The following CSNK1E variants were observed in gnomAD, a reference collection of about 807,000 sequenced individuals.
The protein encoded by CSNK1E is casein kinase I isoform epsilon.
A neutral mutation model predicts 46.1 loss-of-function variants in CSNK1E; 17 were observed. The ratio of observed to expected loss-of-function variants is 0.37; its 90% CI spans 0.25 to 0.55. The LOEUF is 0.55. Among genes scored for constraint, CSNK1E ranks in the 20% least tolerant of loss-of-function variants. The pLI is 0.82. For synonymous variants in CSNK1E, 241 were observed against 242.6 expected (o/e 0.99, Z 0.06); for missense variants, 386 against 595.4 (o/e 0.65, Z 3.66).
chr22:38,295,341 G>A, intron 7 of CSNK1E: 3 of 822,810 alleles, frequency 3.6e-6, no homozygotes, highest in Non-Finnish European at 4.4e-6. Context: ...GAAGTGAGAA[G>A]GGGCCAGAGA....
At chr22:38,313,447 C>T (rs1297694229) in intron 2 of CSNK1E, among the ~76,000 whole-genome samples, 1 of 152,248 alleles carries the variant, frequency 6.6e-6, no homozygotes, top group African/African-American at 2.4e-5. Flanking sequence ...CTGAAAGGCG[C>T]AAGCCTCATT....
chr22:38,305,325 T>A (rs2092693582), intron 2 of CSNK1E, among the ~76,000 whole-genome samples: 1 of 151,652 alleles, frequency 6.6e-6, no homozygotes, highest in Non-Finnish European at 1.5e-5. Flanking sequence ...ACTCAACGTT[T>A]AATAAGAAAT....
intron 2 of CSNK1E, among the ~76,000 whole-genome samples, chr22:38,305,510 G>A (rs904123120): frequency 5.7e-5 from 8 of 140,632 alleles, no homozygotes; most frequent in Non-Finnish European, 1.2e-4. Flanking sequence ...CGGAAATAAA[G>A]TCCTAAGAGA....
At chr22:38,306,482 CA>C (rs921578726) in intron 2 of CSNK1E, among the ~76,000 whole-genome samples, 1 of 152,190 alleles carries the variant, frequency 6.6e-6, no homozygotes, top group Non-Finnish European at 1.5e-5. Flanking sequence ...CCTGTAATCC[CA>C]GCACTTTGAG....
chr22:38,313,298 G>A lies in CSNK1E; in HGVS notation c.76+784C>T, dbSNP rs1274848061. Among the ~76,000 whole-genome samples the A allele has an allele frequency of 2.0e-5, 3 of 152,174 alleles. 1 individual carries two copies. Among genetic ancestry groups the A allele is most frequent in the South Asian group, 4.1e-4 (2 of 4,832 alleles). On this transcript the variant is annotated intron_variant, in intron 2 of 10. Coordinates refer to ENST00000396832, the MANE Select transcript of CSNK1E (RefSeq NM_152221.3). ...GGGACAGGAATGAGGATAACTCGTA[G>A]AAGGGCTGGCCACCTCACTCCAGCA...
chr22:38,301,087 G>C (rs564116949), intron 4 of CSNK1E, 135 bp from the exon 5 acceptor site: 1 of 713,294 alleles, frequency 1.4e-6, no homozygotes, highest in Non-Finnish European at 2.4e-6. Context: ...ATAACTAAGG[G>C]GCAGGCCAGA....
chr22:38,298,683 C>T lies in CSNK1E; in HGVS notation c.885+103G>A, dbSNP rs193216027. The stretch of plus-strand genomic sequence containing the variant: ...ACCACACTGTCCAGCTCGTACCTCC[C>T]GTCTGTCGGGAGCCCCTCCCGCCAC... On this transcript the variant is annotated intron_variant, in intron 7 of 10. Transcript: ENST00000396832. This position sits in a 1 kb window ranked among gnomAD's most constrained non-coding sequence, Gnocchi z 4.2. 117 of 1,355,910 alleles carry T rather than the reference C, an allele frequency of 8.6e-5. No individual in the cohort carries two copies. In the African/African-American group the frequency reaches 1.3e-3, roughly 15 times the overall value. 84.0% of individuals were successfully genotyped at this position (1,355,910 alleles called of 1,614,324 possible).
intron 2 of CSNK1E, among the ~76,000 whole-genome samples, chr22:38,310,100 T>A (rs1301253155): frequency 1.3e-5 from 2 of 152,184 alleles, no homozygotes; most frequent in African/African-American, 2.4e-5. Context: ...CCAAAGTCCC[T>A]GTGTTTTTTC....
Position 38,298,520 on chromosome 22 carries a change from C to A in CSNK1E, c.885+266G>T. ...CACCACCCATGCCCTGCTGCGGGCA[C>A]CCAGGAGGGACCCCAGGTGAAGCCA... On this transcript the variant is annotated intron_variant, in intron 7 of 10. Coordinates refer to ENST00000396832, the MANE Select transcript of CSNK1E (RefSeq NM_152221.3). The surrounding 1 kb of genome is among the most constrained non-coding windows in gnomAD (Gnocchi z 4.2). 2.1e-6 allele frequency: 1 copy of A among 470,044 alleles called. No homozygotes were observed. The highest frequency in any genetic ancestry group is 3.4e-5 in the Admixed American group (1 of 29,504). 29.1% of individuals were successfully genotyped at this position (470,044 alleles called of 1,614,324 possible). A position where few individuals can be genotyped will look rare whatever the true frequency, so the allele number is the denominator to read the frequency against.
Position 38,294,232 on chromosome 22 carries a change from T to C in CSNK1E, c.1095A>G (p.Arg365=). The C allele has an allele frequency of 1.2e-6, 2 of 1,612,076 alleles. No homozygotes were observed. Among genetic ancestry groups the C allele is most frequent in the Non-Finnish European group, 1.7e-6 (2 of 1,179,824 alleles). ...TCTCCCGGTCGACCCGCGAGATCGC[T>C]CTGGGAGAAGTATTGCCTGGAGGGA... ...RIQPAGNTSP[R]AISRVDRERK... is the part of the protein sequence containing the mutation. The change falls in exon 9 of 11, where the codon AGA becomes AGG. Residue 365 remains arginine, a synonymous_variant. Coordinates refer to ENST00000396832, the MANE Select transcript of CSNK1E (RefSeq NM_152221.3). The surrounding 1 kb of genome is among the most constrained non-coding windows in gnomAD (Gnocchi z 5.5).
chr22:38,293,797 G>A, intron 9 of CSNK1E: 1 of 450,372 alleles, frequency 2.2e-6, no homozygotes, highest in Non-Finnish European at 4.0e-6. Context: ...TGATGTCAGG[G>A]AGCAGCAACA....
rs1315700032 is a variant in CSNK1E at position 38,309,264 on chromosome 22, C to A, written c.76+4818G>T. Among the ~76,000 whole-genome samples, 1 of 152,154 alleles carries A rather than the reference C, an allele frequency of 6.6e-6. No individual in the cohort carries two copies. Among genetic ancestry groups the A allele is most frequent in the Non-Finnish European group, 1.5e-5 (1 of 68,026 alleles). ...AGGCCTGGGAAGGCCACTACAGAGA[C>A]CAGGCAAGAGCTGACGGTGGCCCTG... is the stretch of plus-strand genomic sequence containing the variant. On this transcript the variant is annotated intron_variant, in intron 2 of 10. Transcript: ENST00000396832. The surrounding 1 kb of genome is among the most constrained non-coding windows in gnomAD (Gnocchi z 4.8).
Position 38,303,190 on chromosome 22 carries a change from CT to C in CSNK1E, c.134del (p.Lys45SerfsTer14). On this transcript the variant is annotated frameshift_variant, in exon 3 of 11. Coordinates refer to ENST00000396832, the MANE Select transcript of CSNK1E (RefSeq NM_152221.3). LOFTEE classifies it high-confidence loss of function. The surrounding 1 kb of genome is among the most constrained non-coding windows in gnomAD (Gnocchi z 4.7). Reference protein sequence around the residue: ...VAIKLECVKTKHPQLHIESKF... With the variant: ...VAIKLECVKTXHPQLHIESKF... ...TGCTCTCGATGTGCAGCTGGGGGTG[CT>C]TTGTCTTCACACACTCCAGCTTGAT... The C allele has an allele frequency of 6.2e-7, 1 of 1,609,962 alleles. No individual in the cohort carries two copies.
chr22:38,307,648 A>G (rs135757), intron 2 of CSNK1E, among the ~76,000 whole-genome samples: 98,090 of 152,210 alleles, frequency 0.64, 33,470 homozygotes, highest in East Asian at 0.8. Context: ...CTGGTATCTG[A>G]GGGGGATCCT....
chr22:38,293,335 AG>A lies in CSNK1E; in HGVS notation c.1219-17del. The A allele has an allele frequency of 6.9e-7, 1 of 1,445,730 alleles. No individual in the cohort carries two copies. The highest frequency in any genetic ancestry group is 9.7e-7 in the Non-Finnish European group (1 of 1,034,174). The allele number at this position is 1,445,730 out of a possible 1,614,324, so 89.6% of individuals were successfully genotyped here. A position where few individuals can be genotyped will look rare whatever the true frequency, so the allele number is the denominator to read the frequency against. ...GCACACTTGTCTTTTGAGGGTGGGGAGGGAGAGAGGGGGAGGGAGAGAGAGG... is the reference window on the plus strand; with the variant it reads ...GCACACTTGTCTTTTGAGGGTGGGGAGGAGAGAGGGGGAGGGAGAGAGAGG... On this transcript the variant is annotated splice_polypyrimidine_tract_variant and intron_variant, in intron 9 of 10. Coordinates refer to ENST00000396832, the MANE Select transcript of CSNK1E (RefSeq NM_152221.3).
At position 38,309,272 on chromosome 22, in the gene CSNK1E, G is replaced by A. The variant is rs906674744; in HGVS notation, c.76+4810C>T. Among the ~76,000 whole-genome samples the A allele has an allele frequency of 6.6e-6, 1 of 152,214 alleles. No homozygotes were observed. The highest frequency in any genetic ancestry group is 2.4e-5 in the African/African-American group (1 of 41,444). The stretch of plus-strand genomic sequence containing the variant: ...GAAGGCCACTACAGAGACCAGGCAA[G>A]AGCTGACGGTGGCCCTGCCTGGGCA... On this transcript the variant is annotated intron_variant, in intron 2 of 10. Transcript: ENST00000396832. This position sits in a 1 kb window ranked among gnomAD's most constrained non-coding sequence, Gnocchi z 4.8.
intron 9 of CSNK1E, chr22:38,293,869 C>G (rs2092625082): frequency 3.6e-6 from 2 of 556,648 alleles, no homozygotes; most frequent in Admixed American, 6.3e-5. Flanking sequence ...GACTGGAGCC[C>G]AGCTGTGCCA....
intron 2 of CSNK1E, among the ~76,000 whole-genome samples, chr22:38,305,918 C>T (rs1399971375): frequency 6.6e-6 from 1 of 152,142 alleles, no homozygotes; most frequent in Non-Finnish European, 1.5e-5. Flanking sequence ...TACCTGACAT[C>T]CTAGCACGGT....
chr22:38,297,580 C>A, intron 7 of CSNK1E: 2 of 999,792 alleles, frequency 2.0e-6, no homozygotes, highest in Non-Finnish European at 2.4e-6. Context: ...GAGGGCCCTG[C>A]CATGAAAGAG....
Sources: gnomAD v4.1 joint callset for allele counts (sites outside exome capture counted in the v4.1 genomes callset) on GRCh38, gnomAD v4.1.1 for gene constraint, Gnocchi (gnomAD v3.1) non-coding constraint, MANE v1.5 for transcripts, NCBI Gene and HGNC (gene_info 2026-07-23, HGNC 2026-07-21) for gene names.